PAPPA: variants seen among roughly 807,000 people sequenced by gnomAD.
PAPPA encodes pappalysin-1.
In PAPPA, 60 loss-of-function variants were observed where a neutral mutation model predicts 164.0. The observed-to-expected ratio is 0.37, with a 90% CI of 0.30 to 0.45. The LOEUF is 0.45. Among genes scored for constraint, PAPPA ranks in the 20% least tolerant of loss-of-function variants. The pLI is 1.00. For synonymous variants in PAPPA, 875 were observed against 814.1 expected (o/e 1.07, Z -1.27); for missense variants, 1,782 against 2,087.3 (o/e 0.85, Z 2.85).
At chr9:116,215,732 C>T (rs979350029) in intron 4 of PAPPA, among the ~76,000 whole-genome samples, 13 of 152,108 alleles carry the variant, frequency 8.5e-5, no homozygotes, top group African/African-American at 3.1e-4. Flanking sequence ...ACATGTACTC[C>T]TGAACTTAAA....
At chr9:116,258,802 TG>T (rs1312419879) in intron 7 of PAPPA, among the ~76,000 whole-genome samples, 1 of 152,094 alleles carries the variant, frequency 6.6e-6, no homozygotes, top group Non-Finnish European at 1.5e-5. Context: ...AATACATATT[TG>T]GGGGGAAAAA....
chr9:116,235,726 G>A (rs1007263155), intron 7 of PAPPA, 89 bp downstream of exon 7: 8 of 1,266,420 alleles, frequency 6.3e-6, no homozygotes, highest in Admixed American at 1.7e-5. Context: ...ACAGGGGGAA[G>A]GTTCATCACA....
chr9:116,221,528 A>G (rs1019523808), intron 5 of PAPPA, among the ~76,000 whole-genome samples: 3 of 152,176 alleles, frequency 2.0e-5, no homozygotes, highest in African/African-American at 7.2e-5. Flanking sequence ...AAAACAAATC[A>G]TCTTCCTCAT....
intron 1 of PAPPA, among the ~76,000 whole-genome samples, chr9:116,170,742 T>TATCC (rs2118589161): frequency 6.6e-6 from 1 of 151,644 alleles, no homozygotes; most frequent in African/African-American, 2.4e-5. Context: ...TCCATCCATC[T>TATCC]ATCCATCCAT....
At chr9:116,395,624 T>G (rs1440066131) in intron 21 of PAPPA, among the ~76,000 whole-genome samples, 1 of 152,218 alleles carries the variant, frequency 6.6e-6, no homozygotes, top group Non-Finnish European at 1.5e-5. Flanking sequence ...TGTTGGGCTC[T>G]TCCTATCAGT....
chr9:116,184,813 G>A (rs1463824221), intron 1 of PAPPA, among the ~76,000 whole-genome samples: 2 of 152,070 alleles, frequency 1.3e-5, no homozygotes, highest in Non-Finnish European at 1.5e-5. Flanking sequence ...GATTCTGTTT[G>A]TCCTTAAAAT....
intron 10 of PAPPA, among the ~76,000 whole-genome samples, chr9:116,323,777 T>TTAGAATG (rs1845888980): frequency 6.6e-6 from 1 of 152,218 alleles, no homozygotes; most frequent in Non-Finnish European, 1.5e-5. Flanking sequence ...GAGTCAACAT[T>TTAGAATG]CTTTTCTGCA....
rs1374638847 is a variant in PAPPA, at chr9:116,289,282, CATATAAATAG to C, written c.2954-13474_2954-13465del. Among the ~76,000 whole-genome samples the C allele has an allele frequency of 8.9e-3, 858 of 96,018 alleles. 145 individuals are homozygous for C. The highest frequency in any genetic ancestry group is 0.012 in the Non-Finnish European group (514 of 44,358). The allele number at this position is 96,018 out of a possible 152,430, so 63.0% of individuals were successfully genotyped here. ...GCATATATATATAGCATATATATAG[CATATAAATAG>C]CATATATATAGCATATATATGGCAT... On this transcript the variant is annotated intron_variant, in intron 9 of 21. Transcript: ENST00000328252.
At chr9:116,219,044 C>T (rs1844410500) in intron 4 of PAPPA, among the ~76,000 whole-genome samples, 1 of 152,214 alleles carries the variant, frequency 6.6e-6, no homozygotes, top group African/African-American at 2.4e-5. Context: ...CTGGCCTGTG[C>T]TCTCTGCCTA....
intron 7 of PAPPA, among the ~76,000 whole-genome samples, chr9:116,242,702 C>T (rs889906885): frequency 1.3e-5 from 2 of 152,158 alleles, no homozygotes; most frequent in African/African-American, 2.4e-5. Context: ...GAGAAATTGC[C>T]GGTGATAAGC....
chr9:116,391,483 C>A (rs1369200335), intron 21 of PAPPA, among the ~76,000 whole-genome samples: 1 of 152,188 alleles, frequency 6.6e-6, no homozygotes, highest in Non-Finnish European at 1.5e-5. Flanking sequence ...CTGCTAGTTA[C>A]CTCCCTGTGG....
At chr9:116,214,701 G>A (rs1482714913) in intron 4 of PAPPA, among the ~76,000 whole-genome samples, 1 of 152,140 alleles carries the variant, frequency 6.6e-6, no homozygotes, top group African/African-American at 2.4e-5. Context: ...AGCAGACCCA[G>A]TTCCACTTTC....
At chr9:116,211,170 G>A (rs192854879) in intron 3 of PAPPA, among the ~76,000 whole-genome samples, 2 of 152,308 alleles carry the variant, frequency 1.3e-5, no homozygotes, top group Non-Finnish European at 2.9e-5. Flanking sequence ...TCCACTCGAT[G>A]TCACAGAGTT....
intron 5 of PAPPA, among the ~76,000 whole-genome samples, chr9:116,222,810 TGTATA>T (rs1327999472): frequency 2.0e-5 from 3 of 152,292 alleles, no homozygotes; most frequent in African/African-American, 4.8e-5. Flanking sequence ...GATAATGCAT[TGTATA>T]TTTCAAACTT....
chr9:116,220,563 G>A (rs200597871), intron 5 of PAPPA, among the ~76,000 whole-genome samples: 1 of 33,822 alleles, frequency 3.0e-5, no homozygotes, highest in South Asian at 1.9e-3. Flanking sequence ...TGTGTGTCAC[G>A]TGTGTATATA....
chr9:116,354,033 TAAGTTCCTCA>T, intron 17 of PAPPA, among the ~76,000 whole-genome samples: 1 of 152,302 alleles, frequency 6.6e-6, no homozygotes, highest in Middle Eastern at 3.4e-3. Context: ...TGATAAAAGT[TAAGTTCCTCA>T]AACAGGAAAT....
intron 4 of PAPPA, among the ~76,000 whole-genome samples, chr9:116,216,078 G>A (rs886734437): frequency 2.6e-5 from 4 of 151,958 alleles, no homozygotes; most frequent in African/African-American, 9.7e-5. Context: ...CTACAGTGAA[G>A]TTTTTATTAT....
chr9:116,240,369 C>T (rs990067163), intron 7 of PAPPA, among the ~76,000 whole-genome samples: 1 of 152,108 alleles, frequency 6.6e-6, no homozygotes, highest in African/African-American at 2.4e-5. Flanking sequence ...AGGTTTCTAA[C>T]CCAAACTTGG....
intron 1 of PAPPA, among the ~76,000 whole-genome samples, chr9:116,157,182 C>A (rs1462290427): frequency 6.6e-6 from 1 of 152,154 alleles, no homozygotes; most frequent in East Asian, 1.9e-4. Context: ...CCGGGTCTGT[C>A]GTCTGGCAGA....
Sources: allele counts gnomAD v4.1 joint callset (sites outside exome capture counted in the v4.1 genomes callset), GRCh38; gene constraint gnomAD v4.1.1; transcripts MANE v1.5; gene names NCBI Gene and HGNC (gene_info 2026-07-23, HGNC 2026-07-21).